PLAU: variants seen among roughly 807,000 people sequenced by gnomAD.
PLAU encodes urokinase-type plasminogen activator.
Under a neutral mutation model 48.9 loss-of-function variants are expected in PLAU, and 32 were observed. That is an observed-to-expected ratio of 0.65 (90% CI 0.49 to 0.88). PLAU has a LOEUF of 0.88. Ranked by LOEUF, PLAU falls within the 40% of genes least tolerant of loss-of-function variation. The pLI is 0.00. For synonymous variants in PLAU, 199 were observed against 205.7 expected, an observed-to-expected ratio of 0.97 and a Z score of 0.28; for missense variants, 455 against 545.2, an observed-to-expected ratio of 0.83 and a Z score of 1.65.
Position 73,916,595 on chromosome 10 carries a change from C to A in PLAU, c.*30C>A. 2 of 1,563,822 alleles carry A rather than the reference C, an allele frequency of 1.3e-6. No homozygotes were observed. The highest frequency in any genetic ancestry group is 1.1e-5 in the South Asian group (1 of 87,716). ...CCCCAGGGAGGAAACGGGCACCACC[C>A]GCTTTCTTGCTGGTTGTCATTTTTG... On this transcript the variant is annotated 3_prime_UTR_variant, in exon 11 of 11. Transcript: ENST00000372764.
Position 73,917,251 on chromosome 10 carries a change from C to A in PLAU, c.*686C>A, listed in dbSNP as rs1455297531. ...CACTCCTGGGGCCTCTTGGGTCCCC[C>A]ACGTGACAGTGCCTGGGAATGTATT... On this transcript the variant is annotated 3_prime_UTR_variant, in exon 11 of 11. Coordinates refer to ENST00000372764, the MANE Select transcript of PLAU (RefSeq NM_002658.6). 1 of 152,554 alleles carries A rather than the reference C, an allele frequency of 6.6e-6. No homozygotes were observed. The highest frequency in any genetic ancestry group is 1.5e-5 in the Non-Finnish European group (1 of 68,040). The allele number at this position is 152,554 out of a possible 1,614,324, so 9.5% of individuals were successfully genotyped here.
At chr10:73,916,270 A>T in intron 10 of PLAU, 119 bp from the exon 11 acceptor site, 1 of 857,614 alleles carries the variant, frequency 1.2e-6, no homozygotes, top group Non-Finnish European at 1.9e-6. Flanking sequence ...AGAAAATGGG[A>T]AGTCGCTAAG....
upstream of PLAU, among the ~76,000 whole-genome samples, chr10:73,909,741 G>T (rs1487904998): frequency 1.3e-5 from 2 of 152,186 alleles, no homozygotes; most frequent in African/African-American, 4.8e-5. Context: ...TGGATTGCTG[G>T]GACTCAGCCT....
Position 73,916,395 on chromosome 10 carries a change from T to C in PLAU, c.1126T>C (p.Ser376Pro). The change falls in exon 11 of 11, where the codon TCA (serine) becomes CCA (proline). Residue 376 changes from serine (S) to proline (P), a missense_variant. By Grantham distance (74) the Ser-to-Pro change is moderately conservative. Coordinates refer to ENST00000372764, the MANE Select transcript of PLAU (RefSeq NM_002658.6). ...QWKTDSCQGD[S>P]GGPLVCSLQG... ...TGTATCTTTGGCGTCACAGGGAGAC[T>C]CAGGGGGACCCCTCGTCTGTTCCCT... 1 of 1,612,786 alleles carries C rather than the reference T, an allele frequency of 6.2e-7. No individual in the cohort carries two copies. The highest frequency in any genetic ancestry group is 8.5e-7 in the Non-Finnish European group (1 of 1,179,390).
rs2227560 is a variant in PLAU at position 73,912,717 on chromosome 10, A to G, written c.194-207A>G. 0.73 allele frequency among the ~76,000 whole-genome samples: 110,269 copies of G among 151,836 alleles called. 40,722 individuals carry two copies. The highest frequency in any genetic ancestry group is 0.86 in the Middle Eastern group (251 of 292). On this transcript the variant is annotated intron_variant, in intron 4 of 10. Transcript: ENST00000372764. Reference sequence around the variant, plus strand: ...AATGCAAAAATCAGCCTGGCATGGTAGTGGATGCCTGTAGTCCCAGCTACT... The same window carrying G: ...AATGCAAAAATCAGCCTGGCATGGTGGTGGATGCCTGTAGTCCCAGCTACT...
chr10:73,915,960 T>C (rs2096135888), intron 10 of PLAU, among the ~76,000 whole-genome samples: 1 of 152,028 alleles, frequency 6.6e-6, no homozygotes, highest in Non-Finnish European at 1.5e-5. Flanking sequence ...TGGGGCTGCG[T>C]CAGGCACAGT....
Position 73,914,734 on chromosome 10 carries a change from C to T in PLAU, c.830-42C>T, listed in dbSNP as rs1259886613. On this transcript the variant is annotated intron_variant, in intron 8 of 10. Transcript: ENST00000372764. Reference sequence around the variant, plus strand: ...GAGGGGACAGATGGGGACCGCCTAACCAGTAGTGATCTTTCTCCTCTGACC... The same window carrying T: ...GAGGGGACAGATGGGGACCGCCTAATCAGTAGTGATCTTTCTCCTCTGACC... 3.1e-6 allele frequency: 5 copies of T among 1,596,644 alleles called. No homozygotes were observed. The East Asian group carries it at 6.7e-5, about 21-fold the overall frequency.
At chr10:73,912,184 C>G in intron 3 of PLAU, 31 bp from the exon 4 acceptor site, 7 of 1,614,180 alleles carry the variant, frequency 4.3e-6, no homozygotes, top group Non-Finnish European at 5.1e-6. Flanking sequence ...CTTCCACTCC[C>G]CCTCGCTTAC....
At chr10:73,911,777 C>T (rs749532718) in intron 2 of PLAU, 165 bp downstream of exon 2, 2 of 1,551,714 alleles carry the variant, frequency 1.3e-6, no homozygotes, top group African/African-American at 1.4e-5. Flanking sequence ...TTGAGAACCA[C>T]GGGGGTTGGC....
At chr10:73,915,589 G>C (rs1024067626) in intron 10 of PLAU, among the ~76,000 whole-genome samples, 190 bp downstream of exon 10, 1 of 152,106 alleles carries the variant, frequency 6.6e-6, no homozygotes, top group African/African-American at 2.4e-5. Context: ...TCCCAGCTCT[G>C]CGCTAGTCAC....
At chr10:73,911,031 G>C (rs1325809901), upstream of PLAU, 4 of 155,064 alleles carry the variant, frequency 2.6e-5, no homozygotes, top group Middle Eastern at 3.3e-3. Context: ...CGCGGGGTCC[G>C]GGTCGCTGAG....
chr10:73,915,465 G>A, intron 10 of PLAU, 66 bp downstream of exon 10: 1 of 1,471,912 alleles, frequency 6.8e-7, no homozygotes, highest in South Asian at 1.3e-5. Flanking sequence ...GCTTGTTCCA[G>A]CCAGCTTAAG....
intron 10 of PLAU, among the ~76,000 whole-genome samples, 167 bp from the exon 11 acceptor site, chr10:73,916,222 G>A (rs1041083821): frequency 1.3e-5 from 2 of 152,200 alleles, no homozygotes; most frequent in African/African-American, 2.4e-5. Context: ...CAGCCTGGGC[G>A]ACAGAGCGAG....
intron 10 of PLAU, 151 bp from the exon 11 acceptor site, chr10:73,916,238 G>A: frequency 2.8e-6 from 2 of 707,932 alleles, no homozygotes; most frequent in East Asian, 5.4e-5. Context: ...GCGAGATTCT[G>A]TCCTCCCCCC....
At chr10:73,911,825 C>T in intron 2 of PLAU, 1 of 1,551,916 alleles carries the variant, frequency 6.4e-7, no homozygotes, top group South Asian at 1.2e-5. Flanking sequence ...CCGGGACTGC[C>T]CCAGCCTGCG....
intron 7 of PLAU, 53 bp downstream of exon 7, chr10:73,913,811 C>A: frequency 1.4e-6 from 2 of 1,449,854 alleles, no homozygotes; most frequent in South Asian, 1.3e-5. Context: ...CCAAGCACAT[C>A]CCTTTCTCCT....
At chr10:73,915,928 T>G (rs1402307573) in intron 10 of PLAU, among the ~76,000 whole-genome samples, 1 of 151,968 alleles carries the variant, frequency 6.6e-6, no homozygotes, top group Non-Finnish European at 1.5e-5. Context: ...GCAGGGGATT[T>G]TAAACTTGAT....
chr10:73,911,854 C>T (rs775944641), intron 2 of PLAU, 187 bp from the exon 3 acceptor site: 2 of 1,552,686 alleles, frequency 1.3e-6, no homozygotes, highest in African/African-American at 1.4e-5. Flanking sequence ...GTAGATGAAG[C>T]TTGCTTGGGT....
In PLAU at chr10:73,914,812, C is replaced by T. The variant is rs1234630259; in HGVS notation, c.866C>T (p.Ala289Val). ...ATCCGTTCCAAGGAGGGCAGGTGTG[C>T]GCAGCCATCCCGGACTATACAGACC... Reference protein sequence around the residue: ...LKIRSKEGRCAQPSRTIQTIC... With the variant: ...LKIRSKEGRCVQPSRTIQTIC... The change falls in exon 9 of 11, where the codon GCG becomes GTG. Residue 289 changes from alanine to valine, a missense_variant. Physicochemically the swap from Ala to Val is moderately conservative, Grantham distance 64. Coordinates refer to ENST00000372764, the MANE Select transcript of PLAU (RefSeq NM_002658.6). 10 of 1,614,048 alleles carry T rather than the reference C, an allele frequency of 6.2e-6. No homozygotes were observed. In the Middle Eastern group the frequency reaches 6.6e-4, roughly 107 times the overall value.
Sources: allele counts gnomAD v4.1 joint callset (sites outside exome capture counted in the v4.1 genomes callset), GRCh38; gene constraint gnomAD v4.1.1; transcripts MANE v1.5; gene names NCBI Gene and HGNC (gene_info 2026-07-23, HGNC 2026-07-21).